CPEB3: variants seen among roughly 807,000 people sequenced by gnomAD.
CPEB3 encodes the protein cytoplasmic polyadenylation element binding protein 3.
Under a neutral mutation model 67.2 loss-of-function variants are expected in CPEB3, and 20 were observed. That is an observed-to-expected ratio of 0.30 (90% CI 0.21 to 0.43). The LOEUF is 0.43. CPEB3 is among the 20% of genes least tolerant of loss of function. The pLI, the probability that CPEB3 is intolerant of heterozygous loss-of-function variation, is 1.00. For missense variants in CPEB3, 746 were observed against 968.6 expected, an observed-to-expected ratio of 0.77 and a Z score of 3.05; for synonymous variants, 376 against 393.1, an observed-to-expected ratio of 0.96 and a Z score of 0.51.
At chr10:92,140,606 C>T (rs1846358155) in intron 6 of CPEB3, among the ~76,000 whole-genome samples, 2 of 150,924 alleles carry the variant, frequency 1.3e-5, no homozygotes, top group Non-Finnish European at 2.9e-5. Context: ...AAAGCAATGG[C>T]AACAAAAGCC....
At chr10:92,262,183 C>T (rs1258560519) in intron 1 of CPEB3, among the ~76,000 whole-genome samples, 1 of 152,114 alleles carries the variant, frequency 6.6e-6, no homozygotes, top group Non-Finnish European at 1.5e-5. Flanking sequence ...ATTAGACCAC[C>T]TGCCCTAATG....
chr10:92,112,501 TAAC>T (rs995657702), intron 6 of CPEB3, among the ~76,000 whole-genome samples: 14 of 152,140 alleles, frequency 9.2e-5, no homozygotes, highest in African/African-American at 3.1e-4. Context: ...TTTAGACAAT[TAAC>T]TACTCACTAC....
At chr10:92,154,555 C>T (rs181945373) in intron 4 of CPEB3, among the ~76,000 whole-genome samples, 45 of 152,276 alleles carry the variant, frequency 3.0e-4, no homozygotes, top group African/African-American at 1.0e-3. Context: ...TTTCTAAAGC[C>T]TGACAATATC....
intron 1 of CPEB3, among the ~76,000 whole-genome samples, chr10:92,273,918 T>G (rs1841856999): frequency 6.6e-6 from 1 of 152,204 alleles, no homozygotes; most frequent in Non-Finnish European, 1.5e-5. Context: ...CAGACCACTC[T>G]AACATGCAGC....
At chr10:92,162,475 C>A (rs929261376) in intron 4 of CPEB3, among the ~76,000 whole-genome samples, 1 of 151,878 alleles carries the variant, frequency 6.6e-6, no homozygotes, top group Non-Finnish European at 1.5e-5. Context: ...TAGATTAGTT[C>A]ATTGGTTATA....
chr10:92,062,977 C>A (rs1842412676), intron 9 of CPEB3, among the ~76,000 whole-genome samples: 1 of 152,096 alleles, frequency 6.6e-6, no homozygotes, highest in African/African-American at 2.4e-5. Flanking sequence ...ATGACTATAC[C>A]CAAAGATGCT....
At chr10:92,214,446 T>C (rs1850243898) in intron 2 of CPEB3, among the ~76,000 whole-genome samples, 1 of 152,188 alleles carries the variant, frequency 6.6e-6, no homozygotes. Flanking sequence ...CAAACTGTGG[T>C]ATTTTTGTTA....
intron 9 of CPEB3, among the ~76,000 whole-genome samples, chr10:92,068,830 T>C (rs1842651025): frequency 6.6e-6 from 1 of 152,184 alleles, no homozygotes; most frequent in Non-Finnish European, 1.5e-5. Flanking sequence ...TTTAAAAAAC[T>C]ATTTCTAGTC....
At chr10:92,099,568 T>G (rs1399191020) in intron 7 of CPEB3, among the ~76,000 whole-genome samples, 1 of 151,930 alleles carries the variant, frequency 6.6e-6, no homozygotes, top group Non-Finnish European at 1.5e-5. Flanking sequence ...TAAAATGCAT[T>G]TTTGGCCAGG....
At chr10:92,276,289 T>C (rs886914291) in intron 1 of CPEB3, among the ~76,000 whole-genome samples, 3 of 148,082 alleles carry the variant, frequency 2.0e-5, no homozygotes, top group African/African-American at 7.5e-5. Context: ...TTTTTTTTTT[T>C]TTTTTTGAGA....
intron 1 of CPEB3, among the ~76,000 whole-genome samples, chr10:92,255,263 C>A (rs1275288455): frequency 1.3e-5 from 2 of 152,140 alleles, no homozygotes; most frequent in Non-Finnish European, 2.9e-5. Flanking sequence ...CTCTCTCATT[C>A]CCATTCCTGG....
In CPEB3 at chr10:92,082,201, T is replaced by C. The variant is rs543704436; in HGVS notation, c.1688-700A>G. Among the ~76,000 whole-genome samples, 9 of 152,340 alleles carry C rather than the reference T, an allele frequency of 5.9e-5. No homozygotes were observed. The South Asian group carries it at 1.9e-3, about 32-fold the overall frequency. On this transcript the variant is annotated intron_variant, in intron 8 of 9. Coordinates refer to ENST00000265997, the MANE Select transcript of CPEB3 (RefSeq NM_014912.5). ...ACAAATAGTAAAAACATACCCATGT[T>C]GTACCTTGCTACAGATCCAGAGGTC...
At chr10:92,285,273 CTTATTT>C (rs1842474008) in intron 1 of CPEB3, among the ~76,000 whole-genome samples, 1 of 152,038 alleles carries the variant, frequency 6.6e-6, no homozygotes, top group Non-Finnish European at 1.5e-5. Flanking sequence ...TTCTTTCTTT[CTTATTT>C]TTATTTTTTG....
intron 1 of CPEB3, among the ~76,000 whole-genome samples, chr10:92,274,504 T>C (rs1841887489): frequency 1.3e-5 from 2 of 152,170 alleles, no homozygotes; most frequent in Admixed American, 6.6e-5. Context: ...ACCTAAATAG[T>C]ACCTGGAATA....
intron 4 of CPEB3, among the ~76,000 whole-genome samples, chr10:92,165,305 C>T (rs954607464): frequency 1.3e-5 from 2 of 151,690 alleles, no homozygotes; most frequent in African/African-American, 4.8e-5. Flanking sequence ...CAGCAGGACC[C>T]TATCTCGAAA....
At chr10:92,267,912 G>A (rs1009604655) in intron 1 of CPEB3, among the ~76,000 whole-genome samples, 16 of 152,166 alleles carry the variant, frequency 1.1e-4, no homozygotes, top group African/African-American at 1.9e-4. Flanking sequence ...TCCGCCTCCC[G>A]GGTTCAAGCA....
chr10:92,059,325 C>CAAAAAAAAAAAAAAAAAAAAAAAAAA (rs61034093), intron 9 of CPEB3, among the ~76,000 whole-genome samples: 8 of 101,222 alleles, frequency 7.9e-5, no homozygotes, highest in Admixed American at 2.1e-4. Context: ...GAAACTCTGT[C>CAAAAAAAAAAAAAAAAAAAAAAAAAA]AAAAAAAAAA....
intron 9 of CPEB3, among the ~76,000 whole-genome samples, chr10:92,076,971 T>G (rs1255441901): frequency 6.6e-6 from 1 of 152,066 alleles, no homozygotes; most frequent in Non-Finnish European, 1.5e-5. Context: ...AAGGGACTGT[T>G]TACACAGGTG....
At chr10:92,073,787 C>CA (rs34751982) in intron 9 of CPEB3, among the ~76,000 whole-genome samples, 3 of 151,702 alleles carry the variant, frequency 2.0e-5, no homozygotes, top group Non-Finnish European at 2.9e-5. Flanking sequence ...GAAGGGCGTC[C>CA]AAAAAAGACA....
Sources: gnomAD v4.1 joint callset for allele counts (sites outside exome capture counted in the v4.1 genomes callset) on GRCh38, gnomAD v4.1.1 for gene constraint, MANE v1.5 for transcripts, NCBI Gene and HGNC (gene_info 2026-07-23, HGNC 2026-07-21) for gene names.